Variants in HCN1 observed in about 807,000 individuals in gnomAD.
HCN1 encodes hyperpolarization activated cyclic nucleotide gated potassium channel 1, also known as potassium/sodium hyperpolarization-activated cyclic nucleotide-gated channel 1.
In HCN1, 13 loss-of-function variants were observed where a neutral mutation model predicts 78.9. The observed-to-expected ratio is 0.16, with a 90% confidence interval of 0.11 to 0.26. HCN1 has a LOEUF of 0.26. Among genes scored for constraint, HCN1 ranks in the 10% least tolerant of loss-of-function variants. The probability of loss-of-function intolerance (pLI) is 1.00; values close to 1 mark genes in which losing one functional copy is unlikely to be tolerated. For synonymous variants in HCN1, 552 were observed against 455.5 expected, an observed-to-expected ratio of 1.21 and a Z score of -2.70; for missense variants, 810 against 1,154.3, an observed-to-expected ratio of 0.70 and a Z score of 4.32.
intron 2 of HCN1, among the ~76,000 whole-genome samples, chr5:45,571,452 G>A (rs1743832998): frequency 6.6e-6 from 1 of 152,040 alleles, no homozygotes; most frequent in Non-Finnish European, 1.5e-5. Context: ...TGTGACTTGG[G>A]GCAAGATAGA....
intron 2 of HCN1, among the ~76,000 whole-genome samples, chr5:45,626,463 G>C (rs987663828): frequency 6.6e-6 from 1 of 152,062 alleles, no homozygotes; most frequent in Non-Finnish European, 1.5e-5. Flanking sequence ...CATCCTACTA[G>C]AGACAGAGTA....
chr5:45,664,572 A>T (rs1378018169), intron 1 of HCN1, among the ~76,000 whole-genome samples: 1 of 151,880 alleles, frequency 6.6e-6, no homozygotes, highest in Non-Finnish European at 1.5e-5. Context: ...TAATATCCAG[A>T]ATCTACAATG....
At chr5:45,618,471 T>C (rs1580002117) in intron 2 of HCN1, among the ~76,000 whole-genome samples, 1 of 152,050 alleles carries the variant, frequency 6.6e-6, no homozygotes, top group Non-Finnish European at 1.5e-5. Flanking sequence ...GGGAAGTCAT[T>C]TGAGAGGCTT....
chr5:45,315,862 A>G (rs184825489), intron 5 of HCN1, among the ~76,000 whole-genome samples: 125 of 152,328 alleles, frequency 8.2e-4, no homozygotes, highest in Non-Finnish European at 1.5e-3. Flanking sequence ...AGAATAAACC[A>G]GGAGGAAGCT....
chr5:45,441,251 C>A (rs953484160), intron 3 of HCN1, among the ~76,000 whole-genome samples: 4 of 151,822 alleles, frequency 2.6e-5, no homozygotes, highest in African/African-American at 9.7e-5. Flanking sequence ...GAAAAACAGA[C>A]AACTATGAGG....
At chr5:45,597,633 C>T (rs1057053725) in intron 2 of HCN1, among the ~76,000 whole-genome samples, 6 of 152,158 alleles carry the variant, frequency 3.9e-5, no homozygotes, top group Non-Finnish European at 8.8e-5. Context: ...CAAATTGTCC[C>T]TGTTTGCAGA....
intron 3 of HCN1, among the ~76,000 whole-genome samples, chr5:45,414,299 A>G (rs1267875504): frequency 6.6e-6 from 1 of 151,968 alleles, no homozygotes; most frequent in Non-Finnish European, 1.5e-5. Flanking sequence ...CCAAAAAACA[A>G]TCAACAGACT....
intron 5 of HCN1, among the ~76,000 whole-genome samples, chr5:45,306,492 C>A (rs759459394): frequency 2.0e-4 from 30 of 151,988 alleles, no homozygotes; most frequent in Non-Finnish European, 3.8e-4. Flanking sequence ...GCAACTTTTA[C>A]TTCCCAGGAG....
chr5:45,424,117 TCC>T (rs1391927810), intron 3 of HCN1, among the ~76,000 whole-genome samples: 622 of 48,706 alleles, frequency 0.013, 12 homozygotes, highest in Middle Eastern at 0.037. Flanking sequence ...CTACTAAAAA[TCC>T]AAAAAAAAAA....
intron 2 of HCN1, among the ~76,000 whole-genome samples, chr5:45,540,927 G>C (rs1300301392): frequency 6.6e-6 from 1 of 152,126 alleles, no homozygotes; most frequent in Non-Finnish European, 1.5e-5. Context: ...TCTATAACAT[G>C]AGGTGAGAGT....
chr5:45,649,655 T>C (rs929221038), intron 1 of HCN1, among the ~76,000 whole-genome samples: 2 of 152,128 alleles, frequency 1.3e-5, no homozygotes, highest in Non-Finnish European at 2.9e-5. Context: ...TTACTATTTG[T>C]ATGTGTTTCT....
chr5:45,380,007 C>T (rs1747771169), intron 4 of HCN1, among the ~76,000 whole-genome samples: 1 of 152,114 alleles, frequency 6.6e-6, no homozygotes, highest in Non-Finnish European at 1.5e-5. Flanking sequence ...TAAGAGAGAA[C>T]TTGAGGAACA....
chr5:45,608,494 C>T (rs2111974824), intron 2 of HCN1, among the ~76,000 whole-genome samples: 1 of 151,440 alleles, frequency 6.6e-6, no homozygotes, highest in East Asian at 1.9e-4. Flanking sequence ...GGAAAATTTG[C>T]CTTCTTAGCT....
At chr5:45,326,093 T>G (rs1053973074) in intron 5 of HCN1, among the ~76,000 whole-genome samples, 65 of 151,568 alleles carry the variant, frequency 4.3e-4, no homozygotes, top group African/African-American at 1.5e-3. Flanking sequence ...CAAACTGTAT[T>G]TTTAAAGTAT....
intron 1 of HCN1, among the ~76,000 whole-genome samples, chr5:45,650,046 A>C (rs1406100900): frequency 6.6e-6 from 1 of 152,108 alleles, no homozygotes; most frequent in Non-Finnish European, 1.5e-5. Flanking sequence ...TTTACATATC[A>C]TATATCTACC....
At chr5:45,654,321 T>A (rs1228495938) in intron 1 of HCN1, among the ~76,000 whole-genome samples, 1 of 152,180 alleles carries the variant, frequency 6.6e-6, no homozygotes, top group African/African-American at 2.4e-5. Flanking sequence ...AAAAAATCCT[T>A]AATTTAAATT....
At chr5:45,429,876 T>A (rs1200779656) in intron 3 of HCN1, among the ~76,000 whole-genome samples, 5 of 152,002 alleles carry the variant, frequency 3.3e-5, no homozygotes. Context: ...GTAATTTTCA[T>A]GGGGCATAGG....
At chr5:45,669,525 T>C (rs569611149) in intron 1 of HCN1, among the ~76,000 whole-genome samples, 1 of 151,862 alleles carries the variant, frequency 6.6e-6, no homozygotes, top group South Asian at 2.1e-4. Context: ...AGGAATTGTA[T>C]AGATTTGAGA....
chr5:45,393,656 G>A (rs1040542458), intron 4 of HCN1, among the ~76,000 whole-genome samples: 2 of 152,072 alleles, frequency 1.3e-5, no homozygotes, highest in Non-Finnish European at 2.9e-5. Flanking sequence ...CTGTAAGATT[G>A]TTTCAATCAA....
Sources: gnomAD v4.1 joint callset for allele counts (sites outside exome capture counted in the v4.1 genomes callset) on GRCh38, gnomAD v4.1.1 for gene constraint, MANE v1.5 for transcripts, NCBI Gene and HGNC (gene_info 2026-07-23, HGNC 2026-07-21) for gene names.